PAPOLG: variants seen among roughly 807,000 people sequenced by gnomAD.
PAPOLG encodes the protein PAP-gamma.
In PAPOLG, 40 loss-of-function variants were observed where a neutral mutation model predicts 99.0. The ratio of observed to expected loss-of-function variants is 0.40; its 90% CI spans 0.31 to 0.53. The LOEUF (loss-of-function observed/expected upper bound fraction) is 0.53, where lower values mean the gene tolerates loss of function less well. Among genes scored for constraint, PAPOLG ranks in the 20% least tolerant of loss-of-function variants. PAPOLG has a pLI of 0.41. For synonymous variants in PAPOLG, 310 were observed against 299.3 expected, an observed-to-expected ratio of 1.04 and a Z score of -0.37; for missense variants, 675 against 884.1, an observed-to-expected ratio of 0.76 and a Z score of 3.00.
chr2:60,761,006 C>T (rs566801758), intron 2 of PAPOLG, among the ~76,000 whole-genome samples: 2 of 152,060 alleles, frequency 1.3e-5, no homozygotes, highest in South Asian at 2.1e-4. Flanking sequence ...GGAGGATGGT[C>T]GTAGAGGTAA....
Position 60,756,439 on chromosome 2 carries a change from G to C in PAPOLG, c.-40G>C. ...AGGGAACAGCAAGAACAGGACTCCA[G>C]AGCGATAAACACTCGCTGGAGAGGG... On this transcript the variant is annotated 5_prime_UTR_variant, in exon 1 of 22. Transcript: ENST00000238714. 1 of 1,613,280 alleles carries C rather than the reference G, an allele frequency of 6.2e-7. No individual in the cohort carries two copies. Among genetic ancestry groups the C allele is most frequent in the Non-Finnish European group, 8.5e-7 (1 of 1,179,682 alleles).
At chr2:60,791,362 C>T (rs1178484203) in intron 15 of PAPOLG, 1 of 158,704 alleles carries the variant, frequency 6.3e-6, no homozygotes, top group African/African-American at 2.4e-5. Context: ...ACCAGCCTGA[C>T]CAACATGGAG....
chr2:60,756,405 A>AG lies in PAPOLG; in HGVS notation c.-69dup. ...TACTAGCGACCGGAGGAAAGTGAAC[A>AG]GGGGGAGAAGGGAACAGCAAGAACA... On this transcript the variant is annotated 5_prime_UTR_variant, in exon 1 of 22. Coordinates refer to ENST00000238714, the MANE Select transcript of PAPOLG (RefSeq NM_022894.4). 6.3e-7 allele frequency: 1 copy of AG among 1,598,778 alleles called. No homozygotes were observed. Among genetic ancestry groups the AG allele is most frequent in the Non-Finnish European group, 8.6e-7 (1 of 1,166,900 alleles).
intron 2 of PAPOLG, 50 bp from the exon 3 acceptor site, chr2:60,761,691 T>C (rs906520764): frequency 6.6e-7 from 1 of 1,506,664 alleles, no homozygotes; most frequent in Non-Finnish European, 9.2e-7. Context: ...TTAAAAATAC[T>C]GTTTGTTCAT....
At chr2:60,778,132 T>C (rs1671076104) in intron 8 of PAPOLG, among the ~76,000 whole-genome samples, 1 of 151,884 alleles carries the variant, frequency 6.6e-6, no homozygotes, top group African/African-American at 2.4e-5. Context: ...CAAAACGAGG[T>C]ATGCCTTTAT....
intron 7 of PAPOLG, among the ~76,000 whole-genome samples, chr2:60,773,319 A>T (rs1408007241): frequency 2.6e-5 from 4 of 152,118 alleles, no homozygotes; most frequent in Non-Finnish European, 5.9e-5. Context: ...TCCCCTTCCA[A>T]TCCGCAGTCC....
At chr2:60,786,729 C>T (rs529032975) in intron 13 of PAPOLG, among the ~76,000 whole-genome samples, 2 of 152,094 alleles carry the variant, frequency 1.3e-5, no homozygotes, top group Admixed American at 6.6e-5. Flanking sequence ...GGGATTTTGC[C>T]GTGTTGGCCA....
intron 21 of PAPOLG, among the ~76,000 whole-genome samples, chr2:60,796,208 CTT>C (rs66526788): frequency 9.1e-6 from 1 of 110,316 alleles, no homozygotes; most frequent in Non-Finnish European, 1.9e-5. Flanking sequence ...TTTTGCCTTC[CTT>C]TTTTTTTTTT....
chr2:60,774,075 G>C (rs1267295207), intron 7 of PAPOLG, among the ~76,000 whole-genome samples: 1 of 151,512 alleles, frequency 6.6e-6, no homozygotes, highest in African/African-American at 2.4e-5. Flanking sequence ...AGTGCAGTTT[G>C]TTGCCCCATG....
At chr2:60,781,410 A>C (rs996876626) in intron 10 of PAPOLG, among the ~76,000 whole-genome samples, 5 of 152,160 alleles carry the variant, frequency 3.3e-5, no homozygotes, top group Admixed American at 2.0e-4. Flanking sequence ...ATAATAAAAG[A>C]TTTACTTTGC....
chr2:60,784,341 T>TTTAA (rs1289754259), intron 13 of PAPOLG, among the ~76,000 whole-genome samples: 1 of 152,268 alleles, frequency 6.6e-6, no homozygotes, highest in Non-Finnish European at 1.5e-5. Context: ...TGTATATCCT[T>TTTAA]TTAATTTAGG....
chr2:60,778,312 A>AATTTTATTTTATTTT (rs70959864), intron 8 of PAPOLG, among the ~76,000 whole-genome samples: 36 of 147,954 alleles, frequency 2.4e-4, no homozygotes, highest in African/African-American at 8.8e-4. Flanking sequence ...ACACCCGGCT[A>AATTTTATTTTATTTT]ATTTTATTTT....
At chr2:60,764,380 A>G (rs1376372170) in intron 3 of PAPOLG, among the ~76,000 whole-genome samples, 1 of 151,758 alleles carries the variant, frequency 6.6e-6, no homozygotes, top group Non-Finnish European at 1.5e-5. Context: ...CTGCCCCTTA[A>G]TCTGCATGGA....
At chr2:60,780,475 C>A (rs1488600876) in intron 9 of PAPOLG, among the ~76,000 whole-genome samples, 1 of 152,104 alleles carries the variant, frequency 6.6e-6, no homozygotes, top group Non-Finnish European at 1.5e-5. Flanking sequence ...AGGATTTCTC[C>A]ATGTTGCCCA....
chr2:60,757,312 G>C (rs1278129447), intron 1 of PAPOLG, among the ~76,000 whole-genome samples: 4 of 152,164 alleles, frequency 2.6e-5, no homozygotes, highest in Admixed American at 2.6e-4. Flanking sequence ...ACATCTGAAG[G>C]ACTCTCCTAC....
At position 60,761,814 on chromosome 2, in the gene PAPOLG, C is replaced by T; in HGVS notation, c.246+7C>T. On this transcript the variant is annotated splice_region_variant and intron_variant, in intron 3 of 21. Coordinates refer to ENST00000238714, the MANE Select transcript of PAPOLG (RefSeq NM_022894.4). ...TGATGTCAGCGAGAGTAAGGTAAGA[C>T]TCTAAACTATGTGGAATTCTTGTTT... 6.5e-7 allele frequency: 1 copy of T among 1,542,582 alleles called. No individual in the cohort carries two copies. The highest frequency in any genetic ancestry group is 1.4e-5 in the African/African-American group (1 of 72,666).
In PAPOLG at chr2:60,763,701, A is replaced by G. The variant is rs1670589638; in HGVS notation, c.246+1894A>G. Among the ~76,000 whole-genome samples the G allele has an allele frequency of 3.3e-5, 5 of 151,572 alleles. No individual in the cohort carries two copies. In the South Asian group the frequency reaches 1.0e-3, roughly 32 times the overall value. On this transcript the variant is annotated intron_variant, in intron 3 of 21. Coordinates refer to ENST00000238714, the MANE Select transcript of PAPOLG (RefSeq NM_022894.4). ...ATATTTTTAGTAGAGACGGGGTTTC[A>G]CCATAATGGTCAGGCTGGTCTCAAA...
intron 15 of PAPOLG, 193 bp from the exon 16 acceptor site, chr2:60,791,568 A>C: frequency 6.6e-6 from 3 of 457,118 alleles, no homozygotes; most frequent in Non-Finnish European, 7.3e-6. Context: ...AAGAAAAACT[A>C]GTGGATTCAT....
Position 60,799,585 on chromosome 2 carries a change from A to T in PAPOLG, c.*2425A>T, listed in dbSNP as rs1386613103. On this transcript the variant is annotated 3_prime_UTR_variant, in exon 22 of 22. Transcript: ENST00000238714. The stretch of plus-strand genomic sequence containing the variant: ...TGATCTGGGATTTTGTGTTATGATG[A>T]GAGGCACTAAGTACATGTGTTTGTT... The T allele has an allele frequency of 1.4e-5, 2 of 147,206 alleles. No homozygotes were observed. The highest frequency in any genetic ancestry group is 3.0e-5 in the Non-Finnish European group (2 of 66,272). 9.1% of individuals were successfully genotyped at this position (147,206 alleles called of 1,614,324 possible). A position where few individuals can be genotyped will look rare whatever the true frequency, so the allele number is the denominator to read the frequency against.
Sources: gnomAD v4.1 joint callset for allele counts (sites outside exome capture counted in the v4.1 genomes callset) on GRCh38, gnomAD v4.1.1 for gene constraint, MANE v1.5 for transcripts, NCBI Gene and HGNC (gene_info 2026-07-23, HGNC 2026-07-21) for gene names.